MAF: variants seen among roughly 807,000 people sequenced by gnomAD.
MAF encodes the protein transcription factor Maf.
In MAF, 10 loss-of-function variants were observed where a neutral mutation model predicts 22.0. The observed-to-expected ratio is 0.45, with a 90% CI of 0.28 to 0.77. The LOEUF (loss-of-function observed/expected upper bound fraction) is 0.77, where lower values mean the gene tolerates loss of function less well. Ranked by LOEUF, MAF falls within the 30% of genes least tolerant of loss-of-function variation. MAF has a pLI of 0.12. For missense variants in MAF, 544 were observed against 548.4 expected (o/e 0.99, Z 0.08); for synonymous variants, 337 against 255.8 (o/e 1.32, Z -3.03).
chr16:79,352,600 C>G, the MAF span, among the ~76,000 whole-genome samples: 1 of 152,194 alleles, frequency 6.6e-6, no homozygotes, highest in Non-Finnish European at 1.5e-5. Flanking sequence ...TATTTTTTAA[C>G]AGATTTAACC....
At chr16:79,452,419 T>C in the MAF span, among the ~76,000 whole-genome samples, 1 of 152,226 alleles carries the variant, frequency 6.6e-6, no homozygotes, top group African/African-American at 2.4e-5. Flanking sequence ...ACTGATAAAC[T>C]GTTAGTAAGG....
chr16:79,522,026 GAA>G, the MAF span, among the ~76,000 whole-genome samples: 1 of 152,180 alleles, frequency 6.6e-6, no homozygotes, highest in Non-Finnish European at 1.5e-5. Context: ...TCACTGTGAA[GAA>G]AGAGGTGTCA....
the MAF span, among the ~76,000 whole-genome samples, chr16:79,521,742 C>T: frequency 1.3e-5 from 2 of 152,182 alleles, no homozygotes; most frequent in East Asian, 3.8e-4. Context: ...GGTAATACCA[C>T]TGATTTCAAT....
the MAF span, among the ~76,000 whole-genome samples, chr16:79,382,545 C>T: frequency 1.5e-3 from 227 of 152,158 alleles, 1 homozygote; most frequent in Non-Finnish European, 1.6e-3. Context: ...TAGCCATACC[C>T]TATACAAATA....
the MAF span, among the ~76,000 whole-genome samples, chr16:79,574,309 C>T: frequency 6.6e-6 from 1 of 152,186 alleles, no homozygotes; most frequent in Non-Finnish European, 1.5e-5. Flanking sequence ...CCCAATCACA[C>T]AGTAAATAAG....
the MAF span, among the ~76,000 whole-genome samples, chr16:79,566,671 C>G: frequency 6.6e-6 from 1 of 152,232 alleles, no homozygotes; most frequent in Non-Finnish European, 1.5e-5. Flanking sequence ...CATCCCCCAG[C>G]CTGAGTTAGT....
chr16:79,265,454 G>A, the MAF span, among the ~76,000 whole-genome samples: 2 of 152,112 alleles, frequency 1.3e-5, no homozygotes, highest in African/African-American at 2.4e-5. Flanking sequence ...GAAGAAATAA[G>A]TACAGCAGTT....
chr16:79,211,138 A>C, the MAF span, among the ~76,000 whole-genome samples: 1 of 152,048 alleles, frequency 6.6e-6, no homozygotes, highest in Non-Finnish European at 1.5e-5. Context: ...ATCTGGCAGC[A>C]GCCCCACTTG....
chr16:79,451,512 A>C, the MAF span, among the ~76,000 whole-genome samples: 1 of 152,226 alleles, frequency 6.6e-6, no homozygotes, highest in South Asian at 2.1e-4. Context: ...GGCTCTGCCT[A>C]AGCTCTTTCA....
chr16:79,543,886 T>C, the MAF span, among the ~76,000 whole-genome samples: 1 of 151,840 alleles, frequency 6.6e-6, no homozygotes, highest in African/African-American at 2.4e-5. Flanking sequence ...CGGGGTTTCA[T>C]CGTTTTAGCC....
the MAF span, among the ~76,000 whole-genome samples, chr16:79,448,274 A>G: frequency 6.6e-6 from 1 of 152,090 alleles, no homozygotes. Flanking sequence ...ATTCCATCCT[A>G]CAGCAACCAC....
chr16:79,281,052 A>G, the MAF span, among the ~76,000 whole-genome samples: 5 of 152,270 alleles, frequency 3.3e-5, no homozygotes, highest in East Asian at 7.7e-4. Context: ...AGAAAAAGAG[A>G]CAGAAGGAAA....
chr16:79,292,662 G>A, the MAF span, among the ~76,000 whole-genome samples: 7 of 152,088 alleles, frequency 4.6e-5, no homozygotes, highest in African/African-American at 1.7e-4. Context: ...CTGCATTCCC[G>A]GGAAGTTAGG....
chr16:79,479,995 T>C, the MAF span, among the ~76,000 whole-genome samples: 2 of 152,188 alleles, frequency 1.3e-5, no homozygotes, highest in Non-Finnish European at 2.9e-5. Flanking sequence ...TGAAAAAGGA[T>C]ACCGGCAGCT....
chr16:79,571,236 G>A, the MAF span, among the ~76,000 whole-genome samples: 15 of 152,246 alleles, frequency 9.9e-5, no homozygotes, highest in East Asian at 7.7e-4. Flanking sequence ...CCAGGGGGAT[G>A]AGCGGGAGGG....
the MAF span, among the ~76,000 whole-genome samples, chr16:79,384,237 A>G: frequency 2.0e-5 from 3 of 152,126 alleles, no homozygotes; most frequent in Admixed American, 2.0e-4. Flanking sequence ...TGAGGTCAGG[A>G]GTTCGAGACC....
At chr16:79,567,530 C>T in the MAF span, among the ~76,000 whole-genome samples, 5 of 152,020 alleles carry the variant, frequency 3.3e-5, no homozygotes, top group Admixed American at 3.3e-4. Context: ...AAAAAAATGA[C>T]CAATGATATT....
chr16:79,473,518 C>G, the MAF span, among the ~76,000 whole-genome samples: 1 of 152,126 alleles, frequency 6.6e-6, no homozygotes, highest in Non-Finnish European at 1.5e-5. Context: ...ACAGCCTTTG[C>G]CAAACAATGT....
the MAF span, among the ~76,000 whole-genome samples, chr16:79,464,608 T>C: frequency 6.6e-6 from 1 of 152,176 alleles, no homozygotes; most frequent in Non-Finnish European, 1.5e-5. Flanking sequence ...GGCTGCCATT[T>C]TGGAAATTCT....
Sources: allele counts gnomAD v4.1 joint callset (sites outside exome capture counted in the v4.1 genomes callset), GRCh38; gene constraint gnomAD v4.1.1; transcripts MANE v1.5; gene names NCBI Gene and HGNC (gene_info 2026-07-23, HGNC 2026-07-21).